Variants in NAALADL2 observed in about 807,000 individuals in gnomAD.
The protein encoded by NAALADL2 is N-acetylated alpha-linked acidic dipeptidase like 2.
NAALADL2 carries 76 observed loss-of-function variants against 87.2 expected under a neutral mutation model. The observed-to-expected ratio is 0.87, with a 90% CI of 0.72 to 1.05. The LOEUF (loss-of-function observed/expected upper bound fraction) is 1.05. Ranked by LOEUF, NAALADL2 falls within the 50% of genes least tolerant of loss-of-function variation. The probability of loss-of-function intolerance (pLI) is 0.00; values close to 1 mark genes in which losing one functional copy is unlikely to be tolerated. For synonymous variants in NAALADL2, 354 were observed against 331.0 expected (o/e 1.07, Z -0.75); for missense variants, 1,089 against 945.8 (o/e 1.15, Z -1.99).
chr3:175,213,547 A>G (rs1742072562), intron 2 of NAALADL2, among the ~76,000 whole-genome samples: 1 of 152,146 alleles, frequency 6.6e-6, no homozygotes, highest in Non-Finnish European at 1.5e-5. Context: ...CACAGGACAT[A>G]TATCTGCTCT....
intron 11 of NAALADL2, among the ~76,000 whole-genome samples, chr3:175,715,108 G>A (rs559555542): frequency 1.9e-4 from 29 of 152,078 alleles, no homozygotes; most frequent in African/African-American, 2.4e-4. Flanking sequence ...TTAATCATAC[G>A]TGGAACCTTT....
chr3:175,141,273 G>A (rs1383481442), intron 2 of NAALADL2, among the ~76,000 whole-genome samples: 1 of 152,018 alleles, frequency 6.6e-6, no homozygotes, highest in African/African-American at 2.4e-5. Context: ...ACCTGAGAAT[G>A]TTCATAGCTC....
At chr3:174,738,954 A>C (rs989004487) in intron 3 of NAALADL2, among the ~76,000 whole-genome samples, 9 of 152,078 alleles carry the variant, frequency 5.9e-5, no homozygotes, top group Non-Finnish European at 1.2e-4. Context: ...GAGAACTTCA[A>C]CTCTAGGACT....
At chr3:174,848,279 G>C (rs1000799118) in intron 3 of NAALADL2, among the ~76,000 whole-genome samples, 2 of 151,740 alleles carry the variant, frequency 1.3e-5, no homozygotes, top group Non-Finnish European at 2.9e-5. Context: ...TTGAAAATCA[G>C]AACTAAATAA....
intron 9 of NAALADL2, among the ~76,000 whole-genome samples, chr3:175,503,853 CAA>C (rs1729900567): frequency 6.6e-6 from 1 of 152,108 alleles, no homozygotes; most frequent in East Asian, 1.9e-4. Context: ...GCATAGTTTG[CAA>C]ATATTTTCTC....
At chr3:174,532,632 G>A (rs186655717) in intron 1 of NAALADL2, among the ~76,000 whole-genome samples, 2 of 152,208 alleles carry the variant, frequency 1.3e-5, no homozygotes, top group African/African-American at 4.8e-5. Context: ...TACACTGAAG[G>A]AAAATTCGGT....
chr3:175,189,591 T>C (rs1236511726), intron 2 of NAALADL2, among the ~76,000 whole-genome samples: 1 of 152,196 alleles, frequency 6.6e-6, no homozygotes, highest in Non-Finnish European at 1.5e-5. Flanking sequence ...TTGAGAGATA[T>C]TCCATGTTTT....
intron 13 of NAALADL2, chr3:175,767,469 C>T (rs1309735088): frequency 6.6e-6 from 1 of 151,908 alleles, no homozygotes; most frequent in African/African-American, 2.4e-5. Context: ...AGTTAGAAGG[C>T]AATCTAGATA....
At chr3:175,075,225 A>C (rs1056467142) in intron 1 of NAALADL2, among the ~76,000 whole-genome samples, 1 of 152,166 alleles carries the variant, frequency 6.6e-6, no homozygotes, top group African/African-American at 2.4e-5. Flanking sequence ...AACCTAAGAC[A>C]CAATTGTAAC....
rs534194218 is a variant in NAALADL2 at position 174,890,805 on chromosome 3, TACTA to T, written c.43+31357_43+31360del. ...TTTTCTTGATTCTGTGAACAATAAT[TACTA>T]AATAAATATAAGATAGGAAAATCAT... On this transcript the variant is annotated intron_variant, in intron 1 of 13. Coordinates refer to ENST00000454872, the MANE Select transcript of NAALADL2 (RefSeq NM_207015.3). Among the ~76,000 whole-genome samples, 382 of 152,288 alleles carry T rather than the reference TACTA, an allele frequency of 2.5e-3. 1 individual carries two copies. Among genetic ancestry groups the T allele is most frequent in the African/African-American group, 7.3e-3 (305 of 41,564 alleles).
chr3:175,216,686 TG>T (rs1742601771), intron 2 of NAALADL2, among the ~76,000 whole-genome samples: 3 of 148,568 alleles, frequency 2.0e-5, no homozygotes, highest in South Asian at 2.1e-4. Flanking sequence ...TTTTTTTTTT[TG>T]AGAAGGTGTC....
At chr3:175,426,327 C>T (rs543735770) in intron 5 of NAALADL2, among the ~76,000 whole-genome samples, 1 of 152,282 alleles carries the variant, frequency 6.6e-6, no homozygotes, top group South Asian at 2.1e-4. Context: ...TTGGCCACTG[C>T]ACTCCTGCCT....
In NAALADL2 at chr3:174,726,282, G is replaced by T. The variant is rs150548573; in HGVS notation, c.-114-11359G>T. 2.0e-3 allele frequency among the ~76,000 whole-genome samples: 305 copies of T among 152,172 alleles called. 1 individual carries two copies. The highest frequency in any genetic ancestry group is 7.1e-3 in the African/African-American group (296 of 41,528). On this transcript the variant is annotated intron_variant, in intron 2 of 3. Transcript: ENST00000434257. ...AAAAACACACATAAAGCCCTGGGTT[G>T]CCCAATCTATTGGCACATCATTGTC...
chr3:174,921,934 T>C (rs909357175), intron 1 of NAALADL2, among the ~76,000 whole-genome samples: 1 of 152,100 alleles, frequency 6.6e-6, no homozygotes, highest in African/African-American at 2.4e-5. Flanking sequence ...AGCTCTCAGT[T>C]GTGCCATTTA....
intron 1 of NAALADL2, among the ~76,000 whole-genome samples, chr3:175,004,376 C>CAAAAAAAAAAAAA (rs538715061): frequency 3.0e-5 from 1 of 33,854 alleles, no homozygotes; most frequent in Non-Finnish European, 9.5e-5. Flanking sequence ...GAGACTATTT[C>CAAAAAAAAAAAAA]AAAAAAAAAA....
intron 3 of NAALADL2, among the ~76,000 whole-genome samples, chr3:174,764,088 C>A (rs560306529): frequency 6.6e-6 from 1 of 152,304 alleles, no homozygotes; most frequent in African/African-American, 2.4e-5. Context: ...AAGGTATTTA[C>A]TACCCAAGCC....
intron 5 of NAALADL2, among the ~76,000 whole-genome samples, chr3:175,351,049 C>T (rs562578495): frequency 6.6e-6 from 1 of 152,096 alleles, no homozygotes; most frequent in African/African-American, 2.4e-5. Context: ...ATTGCATATA[C>T]TTTGGAGTGT....
At chr3:175,506,736 G>A (rs1730376776) in intron 9 of NAALADL2, among the ~76,000 whole-genome samples, 1 of 152,172 alleles carries the variant, frequency 6.6e-6, no homozygotes, top group Non-Finnish European at 1.5e-5. Flanking sequence ...CTCTTGGGCT[G>A]CTTTTAAATA....
intron 1 of NAALADL2, among the ~76,000 whole-genome samples, chr3:174,984,027 A>G (rs991924205): frequency 6.6e-6 from 1 of 152,196 alleles, no homozygotes; most frequent in Non-Finnish European, 1.5e-5. Context: ...CCATGTCTGC[A>G]TCTTCAGACC....
Sources: allele counts gnomAD v4.1 joint callset (sites outside exome capture counted in the v4.1 genomes callset), GRCh38; gene constraint gnomAD v4.1.1; transcripts MANE v1.5; gene names NCBI Gene and HGNC (gene_info 2026-07-23, HGNC 2026-07-21).